Variants in ADIG observed in about 807,000 individuals in gnomAD.
The protein encoded by ADIG is adipogenesis associated.
In ADIG, 12 loss-of-function variants were observed where a neutral mutation model predicts 10.7. The ratio of observed to expected loss-of-function variants is 1.12; its 90% confidence interval spans 0.72 to 1.82. The LOEUF is 1.82. ADIG is among the 40% of genes most tolerant of loss of function. The probability of loss-of-function intolerance (pLI) is 0.00; values close to 1 mark genes in which losing one functional copy is unlikely to be tolerated. For missense variants in ADIG, 72 were observed against 92.5 expected (o/e 0.78, Z 0.91); for synonymous variants, 32 against 35.6 (o/e 0.90, Z 0.36).
In ADIG at chr20:38,585,799, A is replaced by G. The variant is rs541785662; in HGVS notation, c.125-230A>G. 2.1e-5 allele frequency: 13 copies of G among 608,612 alleles called. No individual in the cohort carries two copies. The South Asian group carries it at 2.4e-4, about 11-fold the overall frequency. The allele number at this position is 608,612 out of a possible 1,614,324, so 37.7% of individuals were successfully genotyped here. On this transcript the variant is annotated intron_variant, in intron 1 of 2. Transcript: ENST00000537425. ...CTCACCTCTGTGTCCTCCCCTCTAG[A>G]TACGGCCATTTTCCAAGTCACAGGA...
Position 38,584,990 on chromosome 20 carries a change from A to C in ADIG, c.125-1039A>C, listed in dbSNP as rs903199557. 3.9e-5 allele frequency among the ~76,000 whole-genome samples: 6 copies of C among 152,158 alleles called. No individual in the cohort carries two copies. In the South Asian group the frequency reaches 1.0e-3, roughly 26 times the overall value. The stretch of plus-strand genomic sequence containing the variant: ...ACGGGGTTTCGCCATGTTGGCCAGG[A>C]TGGTCTCGATCTCTTGATCTCATGG... On this transcript the variant is annotated intron_variant, in intron 1 of 2. Coordinates refer to ENST00000537425, the MANE Select transcript of ADIG (RefSeq NM_001393816.1).
chr20:38,588,352 A>G lies in ADIG; in HGVS notation c.*266A>G, dbSNP rs538040922. 2 of 1,300,156 alleles carry G rather than the reference A, an allele frequency of 1.5e-6. No homozygotes were observed. Among genetic ancestry groups the G allele is most frequent in the African/African-American group, 3.0e-5 (2 of 65,804 alleles). The allele number at this position is 1,300,156 out of a possible 1,614,324, so 80.5% of individuals were successfully genotyped here. A position where few individuals can be genotyped will look rare whatever the true frequency, so the allele number is the denominator to read the frequency against. ...AGCAGTGAGCAGGCCCATGGGGAGAAATTGGCCAATTTAATTCAGAGGGGT... is the reference window on the plus strand; with the variant it reads ...AGCAGTGAGCAGGCCCATGGGGAGAGATTGGCCAATTTAATTCAGAGGGGT... On this transcript the variant is annotated 3_prime_UTR_variant, in exon 3 of 3. Coordinates refer to ENST00000537425, the MANE Select transcript of ADIG (RefSeq NM_001393816.1).
intron 1 of ADIG, among the ~76,000 whole-genome samples, chr20:38,583,725 C>T (rs561670239): frequency 7.9e-5 from 12 of 152,360 alleles, no homozygotes; most frequent in Non-Finnish European, 1.8e-4. Flanking sequence ...ACTCCAAAAC[C>T]ATCCACAACC....
intron 1 of ADIG, 76 bp from the exon 2 acceptor site, chr20:38,585,953 C>T (rs573175030): frequency 7.1e-7 from 1 of 1,414,120 alleles, no homozygotes; most frequent in South Asian, 1.3e-5. Context: ...CCAGGCCTGG[C>T]AGGGGACTCC....
At chr20:38,584,531 C>A (rs1256774769) in intron 1 of ADIG, among the ~76,000 whole-genome samples, 1 of 152,190 alleles carries the variant, frequency 6.6e-6, no homozygotes, top group African/African-American at 2.4e-5. Flanking sequence ...TCCTCTGAGT[C>A]CAAACACACC....
At chr20:38,581,534 G>C (rs1016791820) in intron 1 of ADIG, among the ~76,000 whole-genome samples, 160 bp downstream of exon 1, 1 of 152,138 alleles carries the variant, frequency 6.6e-6, no homozygotes, top group Admixed American at 6.5e-5. Context: ...GAAAGGATTG[G>C]TTTGGTTGTT....
At position 38,585,022 on chromosome 20, in the gene ADIG, G is replaced by A. The variant is rs552893734; in HGVS notation, c.125-1007G>A. 2.5e-4 allele frequency among the ~76,000 whole-genome samples: 38 copies of A among 152,298 alleles called. 1 individual carries two copies. The highest frequency in any genetic ancestry group is 2.0e-3 in the Admixed American group (30 of 15,296). On this transcript the variant is annotated intron_variant, in intron 1 of 2. Transcript: ENST00000537425. ...CGATCTCTTGATCTCATGGTCACCCGCCTTGGCCTCCCAAAGTGCTGGGAT... is the reference window on the plus strand; with the variant it reads ...CGATCTCTTGATCTCATGGTCACCCACCTTGGCCTCCCAAAGTGCTGGGAT...
rs2088627749 is a variant in ADIG at position 38,585,428 on chromosome 20, A to G, written c.125-601A>G. 4 of 1,550,334 alleles carry G rather than the reference A, an allele frequency of 2.6e-6. No individual in the cohort carries two copies. In the African/African-American group the frequency reaches 5.5e-5, roughly 21 times the overall value. ...TTTCTTTTTAATTTGCTTATAATAT[A>G]CCGTAGATATTCTGCAAGTCAGAAG... On this transcript the variant is annotated intron_variant, in intron 1 of 2. Coordinates refer to ENST00000537425, the MANE Select transcript of ADIG (RefSeq NM_001393816.1).
intron 1 of ADIG, among the ~76,000 whole-genome samples, chr20:38,582,582 T>A (rs1313405664): frequency 6.6e-6 from 1 of 152,148 alleles, no homozygotes; most frequent in Non-Finnish European, 1.5e-5. Flanking sequence ...GGGCTTATAA[T>A]TATGTAATTA....
Position 38,586,876 on chromosome 20 carries a change from C to G in ADIG, c.*14+715C>G, listed in dbSNP as rs1428295493. On this transcript the variant is annotated intron_variant, in intron 2 of 2. Coordinates refer to ENST00000537425, the MANE Select transcript of ADIG (RefSeq NM_001393816.1). ...TTTACAAATGAGGCACACACACATA[C>G]TCTCATGTGAGGTGTCAGGGCAATC... 3.7e-5 allele frequency among the ~76,000 whole-genome samples: 5 copies of G among 133,372 alleles called. 1 individual carries two copies. In the South Asian group the frequency reaches 6.5e-4, roughly 17 times the overall value. 87.5% of individuals were successfully genotyped at this position (133,372 alleles called of 152,430 possible).
At chr20:38,582,544 C>T (rs913802544) in intron 1 of ADIG, among the ~76,000 whole-genome samples, 3 of 152,210 alleles carry the variant, frequency 2.0e-5, no homozygotes, top group African/African-American at 7.2e-5. Flanking sequence ...TCCCCACACC[C>T]CTGCTAGCCC....
chr20:38,585,802 C>G (rs369468905), intron 1 of ADIG: 1 of 608,064 alleles, frequency 1.6e-6, no homozygotes, highest in South Asian at 2.0e-5. Context: ...CCTCTAGATA[C>G]GGCCATTTTC....
rs2088599895 is a variant in ADIG at position 38,582,703 on chromosome 20, A to G, written c.124+1329A>G. 3.3e-5 allele frequency among the ~76,000 whole-genome samples: 5 copies of G among 152,314 alleles called. No individual in the cohort carries two copies. The South Asian group carries it at 1.0e-3, about 32-fold the overall frequency. ...TAGACCACAGCCCTCCCTGAGGGGC[A>G]CGGTTTAGGCATTGGGCCCCACAGC... is the stretch of plus-strand genomic sequence containing the variant. On this transcript the variant is annotated intron_variant, in intron 1 of 2. Coordinates refer to ENST00000537425, the MANE Select transcript of ADIG (RefSeq NM_001393816.1).
rs2088632941 is a variant in ADIG, at chr20:38,586,023, C to T, written c.125-6C>T. 3 of 1,599,804 alleles carry T rather than the reference C, an allele frequency of 1.9e-6. No individual in the cohort carries two copies. In the South Asian group the frequency reaches 3.4e-5, roughly 18 times the overall value. The stretch of plus-strand genomic sequence containing the variant: ...ATCCAAGAGGCCTTGCCTCGTATCT[C>T]CACAGATTCAGAGGAAAATGACTCC... On this transcript the variant is annotated splice_polypyrimidine_tract_variant and splice_region_variant and intron_variant, in intron 1 of 2. Transcript: ENST00000537425.
chr20:38,586,319 A>G, intron 2 of ADIG, 158 bp downstream of exon 2: 1 of 619,190 alleles, frequency 1.6e-6, no homozygotes, highest in South Asian at 2.0e-5. Flanking sequence ...CTTCTGCTTC[A>G]TTGTGGGGGA....
At chr20:38,581,494 G>T (rs1004664664) in intron 1 of ADIG, 120 bp downstream of exon 1, 23 of 1,407,640 alleles carry the variant, frequency 1.6e-5, no homozygotes, top group African/African-American at 2.9e-5. Flanking sequence ...TTAAGTGCTC[G>T]CTTAGATACA....
Position 38,581,255 on chromosome 20 carries a change from A to G in ADIG, c.5A>G (p.Lys2Arg). The G allele has an allele frequency of 6.2e-7, 1 of 1,611,392 alleles. No individual in the cohort carries two copies. The highest frequency in any genetic ancestry group is 2.2e-5 in the East Asian group (1 of 44,860). ...CAGCTTAGCCACACATGCGCCATGA[A>G]GTACCCTTTGATGCCGCTGGTGAAC... M[K>R]YPLMPLVNDL... Residue 2 changes from lysine (K) to arginine (R), a missense_variant, in exon 1 of 3, where the codon AAG becomes AGG. Lys to Arg is a conservative substitution (Grantham distance 26). Transcript: ENST00000537425.
Position 38,588,234 on chromosome 20 carries a change from C to T in ADIG, c.*148C>T, listed in dbSNP as rs2088654206. ...CCAACTCATCTCCTCTTCAGACCGACATGTGAAAGCCTCCAGAGGTCCCAG... is the reference window on the plus strand; with the variant it reads ...CCAACTCATCTCCTCTTCAGACCGATATGTGAAAGCCTCCAGAGGTCCCAG... On this transcript the variant is annotated 3_prime_UTR_variant, in exon 3 of 3. Transcript: ENST00000537425. The T allele has an allele frequency of 1.4e-5, 18 of 1,304,302 alleles. No individual in the cohort carries two copies. Among genetic ancestry groups the T allele is most frequent in the Admixed American group, 2.3e-5 (1 of 43,548 alleles). The allele number at this position is 1,304,302 out of a possible 1,614,324, so 80.8% of individuals were successfully genotyped here.
rs575891714 is a variant in ADIG, at chr20:38,587,250, C to T, written c.*15-851C>T. On this transcript the variant is annotated intron_variant, in intron 2 of 2. Coordinates refer to ENST00000537425, the MANE Select transcript of ADIG (RefSeq NM_001393816.1). ...CTCTAATCTCCATCTCTCACGTGTCCGCCTTTCTCTGCCCTACTCTGAAGT... is the reference window on the plus strand; with the variant it reads ...CTCTAATCTCCATCTCTCACGTGTCTGCCTTTCTCTGCCCTACTCTGAAGT... Among the ~76,000 whole-genome samples the T allele has an allele frequency of 1.6e-4, 24 of 151,028 alleles. No individual in the cohort carries two copies. In the East Asian group the frequency reaches 3.1e-3, roughly 19 times the overall value.
Sources: gnomAD v4.1 joint callset for allele counts (sites outside exome capture counted in the v4.1 genomes callset) on GRCh38, gnomAD v4.1.1 for gene constraint, MANE v1.5 for transcripts, NCBI Gene and HGNC (gene_info 2026-07-23, HGNC 2026-07-21) for gene names.